Variants in PPP6R2 observed in about 807,000 individuals in gnomAD.
PPP6R2 encodes the protein protein phosphatase 6 regulatory subunit 2, also known as serine/threonine-protein phosphatase 6 regulatory subunit 2.
In PPP6R2, 62 loss-of-function variants were observed where a neutral mutation model predicts 100.2. The ratio of observed to expected loss-of-function variants is 0.62; its 90% CI spans 0.50 to 0.76. The LOEUF (loss-of-function observed/expected upper bound fraction) is 0.76, where lower values mean the gene tolerates loss of function less well. Among genes scored for constraint, PPP6R2 ranks in the 30% least tolerant of loss-of-function variants. The pLI is 0.00. For synonymous variants in PPP6R2, 525 were observed against 514.7 expected (o/e 1.02, Z -0.27); for missense variants, 1,142 against 1,276.3 (o/e 0.89, Z 1.60).
the PPP6R2 span, among the ~76,000 whole-genome samples, chr22:50,335,161 G>C: frequency 0.46 from 68,343 of 147,326 alleles, 17,369 homozygotes; most frequent in African/African-American, 0.68. Context: ...AAGCGATTCT[G>C]CTGCATCAGC....
At chr22:50,347,529 TGTCCCCCGACC>T (rs2044067877) in intron 1 of PPP6R2, among the ~76,000 whole-genome samples, 1 of 152,014 alleles carries the variant, frequency 6.6e-6, no homozygotes, top group Non-Finnish European at 1.5e-5. Context: ...TGCACCGTAC[TGTCCCCCGACC>T]TGCCACTCTG....
chr22:50,365,495 G>A (rs538307935), intron 1 of PPP6R2, among the ~76,000 whole-genome samples: 1 of 151,926 alleles, frequency 6.6e-6, no homozygotes, highest in Non-Finnish European at 1.5e-5. Context: ...TGGCTAACAC[G>A]GTGAAACCTC....
chr22:50,368,351 C>T lies in PPP6R2; in HGVS notation c.-147-3669C>T, dbSNP rs543418596. The stretch of plus-strand genomic sequence containing the variant: ...TAACGGGTGCCTTCTCAGGCACTGG[C>T]GCTACCACTAGACCAAGGAGTCCTT... On this transcript the variant is annotated intron_variant, in intron 1 of 23. Coordinates refer to ENST00000612753, the MANE Select transcript of PPP6R2 (RefSeq NM_001242898.2). Among the ~76,000 whole-genome samples, 146 of 152,290 alleles carry T rather than the reference C, an allele frequency of 9.6e-4. 1 individual carries two copies. The highest frequency in any genetic ancestry group is 1.0e-3 in the Non-Finnish European group (70 of 68,022).
chr22:50,395,706 G>A (rs1000934742), intron 3 of PPP6R2, among the ~76,000 whole-genome samples: 2 of 152,072 alleles, frequency 1.3e-5, no homozygotes, highest in Non-Finnish European at 2.9e-5. Flanking sequence ...CACTACAGGT[G>A]CGTGCCACCA....
intron 22 of PPP6R2, chr22:50,443,619 G>A (rs969384256): frequency 1.8e-5 from 10 of 568,446 alleles, no homozygotes; most frequent in Non-Finnish European, 6.3e-6. Context: ...CAGGATCTGA[G>A]TGCTGCCTGG....
chr22:50,442,186 C>T (rs1226140069), intron 22 of PPP6R2, among the ~76,000 whole-genome samples: 1 of 152,228 alleles, frequency 6.6e-6, no homozygotes, highest in African/African-American at 2.4e-5. Flanking sequence ...ACCCTTCCCC[C>T]ACAGGTGGGG....
At chr22:50,390,998 CA>C (rs1159505649) in intron 2 of PPP6R2, among the ~76,000 whole-genome samples, 2,953 of 97,012 alleles carry the variant, frequency 0.03, 90 homozygotes, top group African/African-American at 0.097. Context: ...AACTCCGTCT[CA>C]AAAAAAAAAA....
At chr22:50,359,288 C>T (rs1214380302) in intron 1 of PPP6R2, among the ~76,000 whole-genome samples, 3 of 150,930 alleles carry the variant, frequency 2.0e-5, no homozygotes, top group Admixed American at 6.6e-5. Flanking sequence ...GCGTGATCTC[C>T]GCTCACTGCA....
In PPP6R2 at chr22:50,388,393, C is replaced by CAA. The variant is rs745823253; in HGVS notation, c.-16-5486_-16-5485dup. Among the ~76,000 whole-genome samples the CAA allele has an allele frequency of 5.7e-3, 718 of 126,392 alleles. 5 individuals are homozygous for CAA. The highest frequency in any genetic ancestry group is 0.016 in the African/African-American group (542 of 34,820). 82.9% of individuals were successfully genotyped at this position (126,392 alleles called of 152,430 possible). ...TTGGCAACAGAGCAAGACCCTATCT[C>CAA]AAAAAAAAAAAAAAATAAGCCTAAA... On this transcript the variant is annotated intron_variant, in intron 2 of 23. Transcript: ENST00000612753.
chr22:50,418,875 A>G lies in PPP6R2; in HGVS notation c.627A>G (p.Ser209=). Residue 209 remains serine, a synonymous_variant, in exon 7 of 24, where the codon TCA becomes TCG. Transcript: ENST00000612753. The stretch of plus-strand genomic sequence containing the variant: ...TTCCCTTGTCTTTTCAGAGGCAGTC[A>G]AATGCTTCTCAGACTCTCTGTGACA... The part of the protein sequence containing the change: ...IHPSQDEDRQ[S]NASQTLCDIV... 2 of 1,612,870 alleles carry G rather than the reference A, an allele frequency of 1.2e-6. No homozygotes were observed. The highest frequency in any genetic ancestry group is 2.2e-5 in the South Asian group (2 of 91,058).
rs1236766660 is a variant in PPP6R2 at position 50,431,533 on chromosome 22, G to A, written c.1335+151G>A. On this transcript the variant is annotated intron_variant, in intron 11 of 23. Coordinates refer to ENST00000612753, the MANE Select transcript of PPP6R2 (RefSeq NM_001242898.2). This position sits in a 1 kb window ranked among gnomAD's most constrained non-coding sequence, Gnocchi z 4.8. ...TCCCCAGGTGTCTGGTCAGACGCTC[G>A]TAGACAGTGGGGCTTGAGTGGGTCT... is the stretch of plus-strand genomic sequence containing the variant. The A allele has an allele frequency of 1.7e-5, 12 of 689,846 alleles. No individual in the cohort carries two copies. Among genetic ancestry groups the A allele is most frequent in the Non-Finnish European group, 2.4e-5 (10 of 415,686 alleles). 42.7% of individuals were successfully genotyped at this position (689,846 alleles called of 1,614,324 possible). A position where few individuals can be genotyped will look rare whatever the true frequency, so the allele number is the denominator to read the frequency against.
intron 9 of PPP6R2, among the ~76,000 whole-genome samples, chr22:50,422,873 C>T (rs1190866540): frequency 3.9e-5 from 6 of 152,184 alleles, no homozygotes; most frequent in Non-Finnish European, 1.5e-5. Context: ...CTCTCACTCG[C>T]CACCTTGGTA....
At chr22:50,443,762 T>C (rs539015197) in intron 22 of PPP6R2, 104 bp from the exon 23 acceptor site, 118 of 1,445,594 alleles carry the variant, frequency 8.2e-5, no homozygotes, top group Non-Finnish European at 1.0e-4. Flanking sequence ...AAGATGGTGC[T>C]CCCAGGCCGC....
chr22:50,349,985 G>GT (rs1346879533), intron 1 of PPP6R2, among the ~76,000 whole-genome samples: 1 of 151,782 alleles, frequency 6.6e-6, no homozygotes, highest in Non-Finnish European at 1.5e-5. Context: ...AGGCGTGGTG[G>GT]TGCATGCTTG....
intron 1 of PPP6R2, among the ~76,000 whole-genome samples, chr22:50,366,329 T>A (rs1019636382): frequency 9.6e-4 from 144 of 150,094 alleles, no homozygotes; most frequent in African/African-American, 3.0e-3. Flanking sequence ...TTTTTTTTTT[T>A]AAATGGAGTC....
chr22:50,431,842 G>A lies in PPP6R2; in HGVS notation c.1336-423G>A, dbSNP rs2063202205. ...AGGAAAAACATCTCAGGTACAAGAA[G>A]TGATCTGTGTCAGGGCCTGGAGGTG... is the stretch of plus-strand genomic sequence containing the variant. On this transcript the variant is annotated intron_variant, in intron 11 of 23. Coordinates refer to ENST00000612753, the MANE Select transcript of PPP6R2 (RefSeq NM_001242898.2). This position sits in a 1 kb window ranked among gnomAD's most constrained non-coding sequence, Gnocchi z 4.8. 1.3e-5 allele frequency among the ~76,000 whole-genome samples: 2 copies of A among 152,194 alleles called. No individual in the cohort carries two copies. Among genetic ancestry groups the A allele is most frequent in the Non-Finnish European group, 2.9e-5 (2 of 68,030 alleles).
intron 19 of PPP6R2, among the ~76,000 whole-genome samples, chr22:50,439,371 G>A (rs550652192): frequency 6.6e-6 from 1 of 152,248 alleles, no homozygotes; most frequent in East Asian, 1.9e-4. Context: ...GTGAGCTGCC[G>A]GCTCTGTGGG....
In PPP6R2 at chr22:50,418,959, G is replaced by T. The variant is rs778429097; in HGVS notation, c.711G>T (p.Pro237=). ...TGCAAGAGGCTCTGGAGCCAGACCC[G>T]CTCCTCACAGCGCTGGAGTCGTGAG... ...SQLQEALEPD[P]LLTALESQDC... Residue 237 remains proline, a synonymous_variant, in exon 7 of 24, where the codon CCG becomes CCT. Transcript: ENST00000612753. 1.2e-6 allele frequency: 2 copies of T among 1,613,438 alleles called. No homozygotes were observed.
At chr22:50,441,330 G>T (rs1216953208) in intron 22 of PPP6R2, among the ~76,000 whole-genome samples, 1 of 152,210 alleles carries the variant, frequency 6.6e-6, no homozygotes, top group Non-Finnish European at 1.5e-5. Context: ...GTCCCCCAGG[G>T]ACTTGGGGGA....
Sources: allele counts gnomAD v4.1 joint callset (sites outside exome capture counted in the v4.1 genomes callset), GRCh38; gene constraint gnomAD v4.1.1; non-coding constraint Gnocchi (gnomAD v3.1); transcripts MANE v1.5; gene names NCBI Gene and HGNC (gene_info 2026-07-23, HGNC 2026-07-21).